PEAK1: variants seen among roughly 807,000 people sequenced by gnomAD.
The protein encoded by PEAK1 is pseudopodium enriched atypical kinase 1, also known as inactive tyrosine-protein kinase PEAK1.
A neutral mutation model predicts 124.7 loss-of-function variants in PEAK1; 54 were observed. That is an observed-to-expected ratio of 0.43 (90% confidence interval 0.35 to 0.54). The LOEUF is 0.54. Among genes scored for constraint, PEAK1 ranks in the 20% least tolerant of loss-of-function variants. The probability of loss-of-function intolerance (pLI) is 0.01; values close to 1 mark genes in which losing one functional copy is unlikely to be tolerated. For synonymous variants in PEAK1, 719 were observed against 760.0 expected (o/e 0.95, Z 0.89); for missense variants, 2,046 against 2,134.5 (o/e 0.96, Z 0.82).
chr15:77,363,600 C>T (rs1419274092), intron 2 of PEAK1, among the ~76,000 whole-genome samples: 1 of 152,086 alleles, frequency 6.6e-6, no homozygotes, highest in Non-Finnish European at 1.5e-5. Context: ...AGGAGGGAGC[C>T]TGCACTTTCT....
intron 2 of PEAK1, chr15:77,350,628 A>T: frequency 1.0e-6 from 1 of 979,294 alleles, no homozygotes. Context: ...AAAAAAAAAC[A>T]AGGCCCAGCT....
chr15:77,160,916 C>T (rs950921747), intron 7 of PEAK1, among the ~76,000 whole-genome samples: 1 of 152,120 alleles, frequency 6.6e-6, no homozygotes, highest in African/African-American at 2.4e-5. Context: ...TCCTCACTTG[C>T]CTGTTTTCAT....
intron 6 of PEAK1, among the ~76,000 whole-genome samples, chr15:77,188,345 T>C (rs1046165728): frequency 6.6e-6 from 1 of 152,228 alleles, no homozygotes; most frequent in Non-Finnish European, 1.5e-5. Context: ...ATAAGAATCA[T>C]GTAACAACAA....
chr15:77,249,812 C>G (rs1455420184), intron 6 of PEAK1, among the ~76,000 whole-genome samples: 1 of 152,100 alleles, frequency 6.6e-6, no homozygotes, highest in Non-Finnish European at 1.5e-5. Context: ...GTGTGAGCCA[C>G]TACGCCTGGC....
At chr15:77,192,651 G>A (rs1323867792) in intron 6 of PEAK1, among the ~76,000 whole-genome samples, 1 of 152,148 alleles carries the variant, frequency 6.6e-6, no homozygotes, top group East Asian at 1.9e-4. Flanking sequence ...TTGAAGAGGT[G>A]CTGGGCCCCT....
In PEAK1 at chr15:77,215,977, C is replaced by G. The variant is rs1210503329; in HGVS notation, c.-114-33937G>C. ...TGATTACTACAGCTTTACAGTAAAT[C>G]TTGAAATCAAGTAATTTGTCTTCCA... On this transcript the variant is annotated intron_variant, in intron 6 of 9. Transcript: ENST00000682557. Among the ~76,000 whole-genome samples the G allele has an allele frequency of 4.6e-5, 7 of 152,072 alleles. No individual in the cohort carries two copies. The East Asian group carries it at 1.3e-3, about 29-fold the overall frequency.
Position 77,281,925 on chromosome 15 carries a change from C to T in PEAK1, c.-275+1958G>A, listed in dbSNP as rs189039446. Reference sequence around the variant, plus strand: ...TTACCTATACTTCTATTTTTTAAAACTCTGAATCAACCCATTTAATTCTTT... The same window carrying T: ...TTACCTATACTTCTATTTTTTAAAATTCTGAATCAACCCATTTAATTCTTT... On this transcript the variant is annotated intron_variant, in intron 5 of 9. Coordinates refer to ENST00000682557, the MANE Select transcript of PEAK1 (RefSeq NM_001385026.1). Among the ~76,000 whole-genome samples the T allele has an allele frequency of 9.4e-3, 1,429 of 152,226 alleles. 21 individuals are homozygous for T. The highest frequency in any genetic ancestry group is 0.032 in the African/African-American group (1,340 of 41,550).
intron 6 of PEAK1, among the ~76,000 whole-genome samples, chr15:77,235,028 T>C (rs2060058517): frequency 6.6e-6 from 1 of 152,088 alleles, no homozygotes; most frequent in Non-Finnish European, 1.5e-5. Context: ...TGTCACCTTG[T>C]GAAGAAGGTG....
chr15:77,407,950 TAC>T (rs1483461231), intron 1 of PEAK1, among the ~76,000 whole-genome samples: 4 of 81,860 alleles, frequency 4.9e-5, no homozygotes, highest in African/African-American at 9.2e-5. Context: ...TATACACATA[TAC>T]ACACATATAT....
At chr15:77,322,536 G>C (rs1424680529) in intron 2 of PEAK1, among the ~76,000 whole-genome samples, 3 of 152,146 alleles carry the variant, frequency 2.0e-5, no homozygotes, top group Admixed American at 6.6e-5. Flanking sequence ...CACAAGAAAT[G>C]GATAAATTCC....
intron 8 of PEAK1, among the ~76,000 whole-genome samples, chr15:77,145,768 G>T (rs1213405695): frequency 6.6e-6 from 1 of 152,092 alleles, no homozygotes; most frequent in Non-Finnish European, 1.5e-5. Context: ...CCAGGCAAAG[G>T]CTTTCATTAA....
At chr15:77,177,613 C>T (rs544991944) in intron 7 of PEAK1, among the ~76,000 whole-genome samples, 9 of 151,952 alleles carry the variant, frequency 5.9e-5, no homozygotes, top group Admixed American at 3.3e-4. Context: ...GAAGGGCAGG[C>T]CCTTCTTTCT....
At chr15:77,319,047 C>A (rs2065041716) in intron 2 of PEAK1, among the ~76,000 whole-genome samples, 1 of 152,094 alleles carries the variant, frequency 6.6e-6, no homozygotes, top group Non-Finnish European at 1.5e-5. Context: ...CTAATAGGAT[C>A]CAAAGAAGAC....
intron 6 of PEAK1, among the ~76,000 whole-genome samples, chr15:77,226,127 T>C (rs75773413): frequency 0.012 from 1,611 of 137,996 alleles, 30 homozygotes; most frequent in African/African-American, 0.039. Context: ...TGTAATGTAA[T>C]ACAGACAGGA....
intron 6 of PEAK1, among the ~76,000 whole-genome samples, chr15:77,223,643 A>G (rs377125864): frequency 1.3e-5 from 2 of 152,034 alleles, no homozygotes; most frequent in African/African-American, 4.8e-5. Context: ...CCAATACTCA[A>G]ACTATTAGAC....
chr15:77,265,184 C>T (rs2061654868), intron 5 of PEAK1, among the ~76,000 whole-genome samples: 1 of 152,146 alleles, frequency 6.6e-6, no homozygotes, highest in African/African-American at 2.4e-5. Context: ...CCATTCAGGA[C>T]ATAGGCATGG....
At chr15:77,295,020 A>T (rs1030889501) in intron 2 of PEAK1, among the ~76,000 whole-genome samples, 4 of 152,222 alleles carry the variant, frequency 2.6e-5, no homozygotes, top group Admixed American at 2.6e-4. Context: ...GATGAATGGC[A>T]CTGATGTAAG....
At position 77,206,720 on chromosome 15, in the gene PEAK1, GA is replaced by G; in HGVS notation, c.-114-24681del. On this transcript the variant is annotated intron_variant, in intron 6 of 9. Coordinates refer to ENST00000682557, the MANE Select transcript of PEAK1 (RefSeq NM_001385026.1). ...TTGTTTGAGTTCATTGTAGATTCTG[GA>G]TATTAGCCCTTTGTCAGACGAGTAG... Among the ~76,000 whole-genome samples the G allele has an allele frequency of 2.0e-5, 3 of 151,600 alleles. 1 individual carries two copies. The East Asian group carries it at 5.8e-4, about 29-fold the overall frequency.
At chr15:77,262,294 A>G (rs2061482232) in intron 5 of PEAK1, among the ~76,000 whole-genome samples, 1 of 152,184 alleles carries the variant, frequency 6.6e-6, no homozygotes, top group African/African-American at 2.4e-5. Flanking sequence ...TAAATGCTCC[A>G]ATTAGAAGAC....
Sources: gnomAD v4.1 joint callset for allele counts (sites outside exome capture counted in the v4.1 genomes callset) on GRCh38, gnomAD v4.1.1 for gene constraint, MANE v1.5 for transcripts, NCBI Gene and HGNC (gene_info 2026-07-23, HGNC 2026-07-21) for gene names.